The following ARMH3 variants were observed in gnomAD, a reference collection of about 807,000 sequenced individuals.
The protein encoded by ARMH3 is armadillo-like helical domain-containing protein 3.
A neutral mutation model predicts 99.1 loss-of-function variants in ARMH3; 60 were observed. The observed-to-expected ratio is 0.61, with a 90% CI of 0.49 to 0.75. The LOEUF is 0.75. Ranked by LOEUF, ARMH3 falls within the 30% of genes least tolerant of loss-of-function variation. ARMH3 has a pLI of 0.00. For missense variants in ARMH3, 679 were observed against 843.1 expected, an observed-to-expected ratio of 0.81 and a Z score of 2.41; for synonymous variants, 285 against 292.8, an observed-to-expected ratio of 0.97 and a Z score of 0.27.
At chr10:101,867,764 C>T (rs1489803877) in intron 24 of ARMH3, among the ~76,000 whole-genome samples, 3 of 151,292 alleles carry the variant, frequency 2.0e-5, no homozygotes, top group African/African-American at 7.3e-5. Flanking sequence ...CCCAGGAGGC[C>T]AAGGCTACAG....
Position 101,988,360 on chromosome 10 carries a change from G to A in ARMH3, c.1406+2191C>T, listed in dbSNP as rs979047519. Among the ~76,000 whole-genome samples the A allele has an allele frequency of 4.6e-5, 7 of 152,086 alleles. No homozygotes were observed. The East Asian group carries it at 1.3e-3, about 29-fold the overall frequency. On this transcript the variant is annotated intron_variant, in intron 19 of 25. Coordinates refer to ENST00000370033, the MANE Select transcript of ARMH3 (RefSeq NM_024541.3). Reference sequence around the variant, plus strand: ...ATCCTAAAACTAGGATATAAAATAAGCCAGAAATAAAGTCCATAGCAAAAA... The same window carrying A: ...ATCCTAAAACTAGGATATAAAATAAACCAGAAATAAAGTCCATAGCAAAAA...
At chr10:101,876,103 G>C (rs557124493) in intron 24 of ARMH3, among the ~76,000 whole-genome samples, 1 of 152,058 alleles carries the variant, frequency 6.6e-6, no homozygotes, top group African/African-American at 2.4e-5. Context: ...AAAAAAATCA[G>C]CTGGGCATGG....
chr10:101,938,553 G>C (rs1340366733), intron 23 of ARMH3, among the ~76,000 whole-genome samples: 2 of 152,218 alleles, frequency 1.3e-5, no homozygotes, highest in Non-Finnish European at 2.9e-5. Flanking sequence ...ACATGAATGA[G>C]TCAACACAAC....
At chr10:101,996,301 G>C (rs773912953) in intron 15 of ARMH3, among the ~76,000 whole-genome samples, 1 of 152,184 alleles carries the variant, frequency 6.6e-6, no homozygotes, top group Non-Finnish European at 1.5e-5. Context: ...TAATGGATTA[G>C]AGTGCTGTAG....
At chr10:102,011,278 AT>A (rs2066623407) in intron 11 of ARMH3, among the ~76,000 whole-genome samples, 1 of 152,160 alleles carries the variant, frequency 6.6e-6, no homozygotes, top group African/African-American at 2.4e-5. Flanking sequence ...TCAAACAGCC[AT>A]GGCAGACAGC....
At chr10:102,032,032 C>T (rs1290223726) in intron 4 of ARMH3, among the ~76,000 whole-genome samples, 4 of 152,226 alleles carry the variant, frequency 2.6e-5, no homozygotes, top group Non-Finnish European at 5.9e-5. Context: ...GCCACCGCGC[C>T]CAGCCCAGGA....
At chr10:101,924,657 C>T (rs1481422894) in intron 23 of ARMH3, among the ~76,000 whole-genome samples, 1 of 151,758 alleles carries the variant, frequency 6.6e-6, no homozygotes. Flanking sequence ...GCCCAGCCTG[C>T]TTACATTTTC....
At chr10:102,033,786 C>T (rs1473082044) in intron 2 of ARMH3, among the ~76,000 whole-genome samples, 1 of 152,192 alleles carries the variant, frequency 6.6e-6, no homozygotes, top group East Asian at 1.9e-4. Context: ...AAAAAGAACA[C>T]TTATCTCTTT....
At chr10:101,951,340 C>A (rs778477326) in intron 22 of ARMH3, among the ~76,000 whole-genome samples, 2 of 152,004 alleles carry the variant, frequency 1.3e-5, no homozygotes, top group Non-Finnish European at 2.9e-5. Context: ...GAGGCCAAGG[C>A]AGGAGGATCG....
intron 8 of ARMH3, among the ~76,000 whole-genome samples, chr10:102,021,863 A>AC (rs1564856965): frequency 6.6e-6 from 1 of 151,278 alleles, no homozygotes; most frequent in Admixed American, 6.6e-5. Flanking sequence ...TAATTTTTAA[A>AC]TTTTTTTTTG....
chr10:102,012,251 C>G (rs892396889), intron 10 of ARMH3, among the ~76,000 whole-genome samples: 7 of 152,188 alleles, frequency 4.6e-5, no homozygotes, highest in African/African-American at 1.7e-4. Context: ...CATGAAAGAT[C>G]CTGCCTGGCC....
intron 19 of ARMH3, among the ~76,000 whole-genome samples, chr10:101,984,661 T>C (rs1475914410): frequency 4.6e-5 from 7 of 152,046 alleles, no homozygotes; most frequent in Non-Finnish European, 8.8e-5. Context: ...CTAGATTCTG[T>C]TCCTGTCTCC....
intron 22 of ARMH3, among the ~76,000 whole-genome samples, chr10:101,943,574 A>G (rs1249792279): frequency 6.6e-6 from 1 of 152,214 alleles, no homozygotes; most frequent in East Asian, 1.9e-4. Context: ...AAACAGAACA[A>G]AATCCAGCAT....
Position 102,035,861 on chromosome 10 carries a change from G to A in ARMH3, c.103-2522C>T, listed in dbSNP as rs529427971. Among the ~76,000 whole-genome samples the A allele has an allele frequency of 3.9e-5, 6 of 152,128 alleles. No homozygotes were observed. In the East Asian group the frequency reaches 7.8e-4, roughly 20 times the overall value. ...AAGTGAGGAGCGTCTCCGCATGGCC[G>A]CCCATCCTCTGGGATGTGAGGAGCC... On this transcript the variant is annotated intron_variant, in intron 2 of 25. Transcript: ENST00000370033.
At chr10:101,889,127 A>G (rs1329081104) in intron 24 of ARMH3, among the ~76,000 whole-genome samples, 1 of 152,230 alleles carries the variant, frequency 6.6e-6, no homozygotes, top group Admixed American at 6.5e-5. Context: ...TCTGCCTAAA[A>G]TTTTAAAAAA....
chr10:102,020,332 G>C (rs1049061409), intron 8 of ARMH3, among the ~76,000 whole-genome samples: 19 of 152,028 alleles, frequency 1.2e-4, no homozygotes, highest in African/African-American at 4.3e-4. Context: ...GTCAGTTCAA[G>C]ATCAGCCTGG....
intron 14 of ARMH3, 84 bp downstream of exon 14, chr10:102,006,456 G>A: frequency 1.4e-6 from 2 of 1,444,444 alleles, no homozygotes; most frequent in Non-Finnish European, 1.9e-6. Flanking sequence ...CAACTACGTA[G>A]GTTCTTTGTT....
In ARMH3 at chr10:101,846,453, T is replaced by C. The variant is rs2066469667; in HGVS notation, c.*1075A>G. ...CTCCAGAAAGCCTGTCAATGTTTAT[T>C]TCATACACACCCTAAAGACAGTAAA... On this transcript the variant is annotated 3_prime_UTR_variant, in exon 26 of 26. Coordinates refer to ENST00000370033, the MANE Select transcript of ARMH3 (RefSeq NM_024541.3). 1 of 152,164 alleles carries C rather than the reference T, an allele frequency of 6.6e-6. No homozygotes were observed. The highest frequency in any genetic ancestry group is 1.5e-5 in the Non-Finnish European group (1 of 68,054). 9.4% of individuals were successfully genotyped at this position (152,164 alleles called of 1,614,324 possible).
Position 101,993,227 on chromosome 10 carries a change from C to T in ARMH3, c.1275+311G>A, listed in dbSNP as rs192610864. On this transcript the variant is annotated intron_variant, in intron 17 of 25. Coordinates refer to ENST00000370033, the MANE Select transcript of ARMH3 (RefSeq NM_024541.3). ...CAGAGGTTGCAGTGAGCAGAGATCA[C>T]ACCATTGCACTCCAGCCTGGGGGGG... Among the ~76,000 whole-genome samples, 216 of 150,146 alleles carry T rather than the reference C, an allele frequency of 1.4e-3. 1 individual carries two copies. The highest frequency in any genetic ancestry group is 5.0e-3 in the African/African-American group (203 of 40,746).
Sources: allele counts gnomAD v4.1 joint callset (sites outside exome capture counted in the v4.1 genomes callset), GRCh38; gene constraint gnomAD v4.1.1; transcripts MANE v1.5; gene names NCBI Gene and HGNC (gene_info 2026-07-23, HGNC 2026-07-21).